The following FSTL4 variants were observed in gnomAD, a reference collection of about 807,000 sequenced individuals.
The protein encoded by FSTL4 is follistatin like 4.
A neutral mutation model predicts 78.2 loss-of-function variants in FSTL4; 28 were observed. That is an observed-to-expected ratio of 0.36 (90% CI 0.27 to 0.49). The LOEUF is 0.49. FSTL4 is among the 20% of genes least tolerant of loss of function. FSTL4 has a pLI of 0.98. For synonymous variants in FSTL4, 422 were observed against 440.5 expected, an observed-to-expected ratio of 0.96 and a Z score of 0.53; for missense variants, 922 against 1,084.9, an observed-to-expected ratio of 0.85 and a Z score of 2.11.
the FSTL4 span, among the ~76,000 whole-genome samples, chr5:133,716,183 AT>A: frequency 6.6e-6 from 1 of 152,162 alleles, no homozygotes; most frequent in African/African-American, 2.4e-5. Flanking sequence ...AATGGATCCA[AT>A]TTTTAGCTCA....
At chr5:133,506,994 G>A (rs770662177) in intron 3 of FSTL4, among the ~76,000 whole-genome samples, 1 of 152,178 alleles carries the variant, frequency 6.6e-6, no homozygotes, top group Non-Finnish European at 1.5e-5. Flanking sequence ...GATTACCTGA[G>A]GTCAGGAGTT....
At chr5:133,792,430 C>T in the FSTL4 span, among the ~76,000 whole-genome samples, 1 of 152,260 alleles carries the variant, frequency 6.6e-6, no homozygotes, top group South Asian at 2.1e-4. Context: ...AAAGCATTAT[C>T]TTCCAGCCCT....
chr5:133,240,961 G>C (rs1397754604), intron 7 of FSTL4, among the ~76,000 whole-genome samples: 2 of 152,192 alleles, frequency 1.3e-5, no homozygotes, highest in African/African-American at 2.4e-5. Context: ...CTTTGGGCCA[G>C]GTGGTACCAG....
rs143392836 is a variant in FSTL4, at chr5:133,372,269, G to GTATGTATCTATC, written c.409+28468_409+28469insGATAGATACATA. On this transcript the variant is annotated intron_variant, in intron 4 of 15. Coordinates refer to ENST00000265342, the MANE Select transcript of FSTL4 (RefSeq NM_015082.2). Reference sequence around the variant, plus strand: ...TCTATGTATGTATGTATGTATGTATGTATCTATCTATCTATCTATTTTTTA... The same window carrying GTATGTATCTATC: ...TCTATGTATGTATGTATGTATGTATGTATGTATCTATCTATCTATCTATCTATCTATTTTTTA... 4.1e-3 allele frequency among the ~76,000 whole-genome samples: 580 copies of GTATGTATCTATC among 143,018 alleles called. 13 individuals carry two copies. In the East Asian group the frequency reaches 0.05, roughly 12 times the overall value. 93.8% of individuals were successfully genotyped at this position (143,018 alleles called of 152,430 possible). A position where few individuals can be genotyped will look rare whatever the true frequency, so the allele number is the denominator to read the frequency against.
chr5:133,496,927 C>T (rs1256191989), intron 3 of FSTL4, among the ~76,000 whole-genome samples: 2 of 152,176 alleles, frequency 1.3e-5, no homozygotes, highest in Admixed American at 6.5e-5. Flanking sequence ...TACTGCCTCC[C>T]GCCCATCTTC....
In FSTL4 at chr5:133,559,710, G is replaced by A. The variant is rs755453243; in HGVS notation, c.160+7476C>T. On this transcript the variant is annotated intron_variant, in intron 3 of 15. Transcript: ENST00000265342. ...AGGGGTTCATTATCCTGCCCACACC[G>A]ACCTATAGCTTGCCCGTCATAACCA... 4.6e-5 allele frequency among the ~76,000 whole-genome samples: 7 copies of A among 152,282 alleles called. No homozygotes were observed. The East Asian group carries it at 5.8e-4, about 13-fold the overall frequency.
At chr5:133,703,725 C>T in the FSTL4 span, among the ~76,000 whole-genome samples, 1 of 152,182 alleles carries the variant, frequency 6.6e-6, no homozygotes, top group Non-Finnish European at 1.5e-5. Context: ...CGAGGCTCTG[C>T]AGGGTCCCAG....
At chr5:133,233,763 T>A (rs941941058) in intron 7 of FSTL4, among the ~76,000 whole-genome samples, 2 of 152,194 alleles carry the variant, frequency 1.3e-5, no homozygotes, top group Non-Finnish European at 2.9e-5. Flanking sequence ...TAAGGCCTTG[T>A]GTACCTGGCC....
Position 133,541,927 on chromosome 5 carries a change from G to GACACACACACACACACACACAC in FSTL4, c.160+25237_160+25258dup, listed in dbSNP as rs61471971. Among the ~76,000 whole-genome samples, 882 of 148,308 alleles carry GACACACACACACACACACACAC rather than the reference G, an allele frequency of 5.9e-3. 5 individuals are homozygous for GACACACACACACACACACACAC. The highest frequency in any genetic ancestry group is 0.021 in the East Asian group (107 of 4,986). ...GCACACAGAGCTAGAGAATGTTACA[G>GACACACACACACACACACACAC]ACACACACACACACACACACACACT... On this transcript the variant is annotated intron_variant, in intron 3 of 15. Coordinates refer to ENST00000265342, the MANE Select transcript of FSTL4 (RefSeq NM_015082.2).
At chr5:133,821,557 C>A in the FSTL4 span, among the ~76,000 whole-genome samples, 1 of 152,122 alleles carries the variant, frequency 6.6e-6, no homozygotes, top group Non-Finnish European at 1.5e-5. Context: ...ACAGTGGGAA[C>A]AAGAGTCCAG....
intron 2 of FSTL4, among the ~76,000 whole-genome samples, chr5:133,580,547 G>A (rs1760378917): frequency 6.6e-6 from 1 of 152,182 alleles, no homozygotes; most frequent in South Asian, 2.1e-4. Context: ...GCTAAGAAGT[G>A]CCACGGTGCA....
At chr5:133,227,755 C>G (rs1193484910) in intron 8 of FSTL4, among the ~76,000 whole-genome samples, 1 of 152,068 alleles carries the variant, frequency 6.6e-6, no homozygotes, top group Admixed American at 6.5e-5. Context: ...AGCTGAAGAA[C>G]AGAACTGGTA....
At chr5:133,734,909 C>G in the FSTL4 span, among the ~76,000 whole-genome samples, 4 of 152,160 alleles carry the variant, frequency 2.6e-5, no homozygotes, top group African/African-American at 9.7e-5. Flanking sequence ...GCATCTTGTA[C>G]GTAAACCCTC....
At chr5:133,245,243 T>C (rs1012875316) in intron 7 of FSTL4, among the ~76,000 whole-genome samples, 9 of 151,796 alleles carry the variant, frequency 5.9e-5, no homozygotes, top group South Asian at 4.2e-4. Flanking sequence ...AGATGTGCCA[T>C]TGGGGAAGTT....
chr5:133,837,119 C>T, the FSTL4 span, among the ~76,000 whole-genome samples: 3 of 151,940 alleles, frequency 2.0e-5, no homozygotes, highest in African/African-American at 7.3e-5. Context: ...TCCTGTATTT[C>T]CTATCATTTT....
At chr5:133,211,931 C>T (rs1750740978) in intron 13 of FSTL4, among the ~76,000 whole-genome samples, 1 of 152,214 alleles carries the variant, frequency 6.6e-6, no homozygotes, top group Non-Finnish European at 1.5e-5. Context: ...CCACTCATCA[C>T]CATCTTTGAA....
rs1325567039 is a variant in FSTL4 at position 133,202,012 on chromosome 5, G to C, written c.1747C>G (p.Gln583Glu). The C allele has an allele frequency of 6.2e-7, 1 of 1,611,768 alleles. No homozygotes were observed. The highest frequency in any genetic ancestry group is 1.1e-5 in the South Asian group (1 of 90,652). The change falls in exon 15 of 16, where the codon CAG (glutamine) becomes GAG (glutamate). Residue 583 changes from glutamine (Q) to glutamate (E), a missense_variant. Coordinates refer to ENST00000265342, the MANE Select transcript of FSTL4 (RefSeq NM_015082.2). Reference sequence around the variant, plus strand: ...GCAAAGGGTGTGCGGATGAGGTGCTGGCTCTGGCCGGTGCTGGCTTCTGTG... The same window carrying C: ...GCAAAGGGTGTGCGGATGAGGTGCTCGCTCTGGCCGGTGCTGGCTTCTGTG... ...VITEASTGQS[Q>E]HLIRTPFAGV...
At chr5:133,215,301 C>T (rs920884354) in intron 13 of FSTL4, among the ~76,000 whole-genome samples, 2 of 152,208 alleles carry the variant, frequency 1.3e-5, no homozygotes, top group Non-Finnish European at 1.5e-5. Flanking sequence ...ATCTTGACCT[C>T]TTCTCTGTCT....
At chr5:133,770,637 G>A in the FSTL4 span, among the ~76,000 whole-genome samples, 2 of 152,296 alleles carry the variant, frequency 1.3e-5, no homozygotes, top group African/African-American at 4.8e-5. Context: ...AAGATGCATA[G>A]TGTGCAAATA....
Sources: gnomAD v4.1 joint callset for allele counts (sites outside exome capture counted in the v4.1 genomes callset) on GRCh38, gnomAD v4.1.1 for gene constraint, MANE v1.5 for transcripts, NCBI Gene and HGNC (gene_info 2026-07-23, HGNC 2026-07-21) for gene names.